The following NLGN1 variants were observed in gnomAD, a reference collection of about 807,000 sequenced individuals.
The protein encoded by NLGN1 is neuroligin 1, also known as neuroligin-1.
A neutral mutation model predicts 65.5 loss-of-function variants in NLGN1; 12 were observed. The observed-to-expected ratio is 0.18, with a 90% CI of 0.12 to 0.30. The LOEUF is 0.30. Among genes scored for constraint, NLGN1 ranks in the 10% least tolerant of loss-of-function variants. The pLI, the probability that NLGN1 is intolerant of heterozygous loss-of-function variation, is 1.00. For missense variants in NLGN1, 750 were observed against 1,007.1 expected (o/e 0.74, Z 3.46); for synonymous variants, 350 against 359.5 (o/e 0.97, Z 0.30).
At chr3:173,744,467 C>T (rs1463347421) in intron 3 of NLGN1, among the ~76,000 whole-genome samples, 1 of 152,040 alleles carries the variant, frequency 6.6e-6, no homozygotes, top group Non-Finnish European at 1.5e-5. Flanking sequence ...GACACTCTGA[C>T]TGGAGCAGGT....
rs150105192 is a variant in NLGN1, at chr3:173,796,977, C to T, written c.494-10703C>T. On this transcript the variant is annotated intron_variant, in intron 3 of 6. Transcript: ENST00000457714. ...TAAAATGTTTTAACATGAGTGATTACATCAGTTCTAACAGTTTAGAACAAA... is the reference window on the plus strand; with the variant it reads ...TAAAATGTTTTAACATGAGTGATTATATCAGTTCTAACAGTTTAGAACAAA... Among the ~76,000 whole-genome samples the T allele has an allele frequency of 3.1e-3, 473 of 152,200 alleles. 2 individuals are homozygous for T. The highest frequency in any genetic ancestry group is 7.4e-3 in the Admixed American group (113 of 15,270).
exon 7 of NLGN1, chr3:174,281,045 T>C (rs200263270): frequency 2.5e-6 from 4 of 1,613,368 alleles, no homozygotes; most frequent in East Asian, 4.5e-5. Context: ...TGAAGCACAC[T>C]GATTTGGATC....
intron 4 of NLGN1, among the ~76,000 whole-genome samples, chr3:174,218,619 C>G (rs1005342024): frequency 2.0e-5 from 3 of 152,010 alleles, no homozygotes; most frequent in Admixed American, 2.0e-4. Context: ...CTTTGGGACT[C>G]TCTTAGATGA....
intron 4 of NLGN1, among the ~76,000 whole-genome samples, chr3:174,156,631 A>G (rs1725488514): frequency 6.6e-6 from 1 of 151,760 alleles, no homozygotes; most frequent in African/African-American, 2.4e-5. Context: ...ATAGTCTAAT[A>G]TAAAACATAA....
intron 4 of NLGN1, among the ~76,000 whole-genome samples, chr3:173,937,336 G>A (rs73883610): frequency 0.016 from 2,386 of 152,096 alleles, 71 homozygotes; most frequent in African/African-American, 0.055. Flanking sequence ...ATCAATGAGA[G>A]GTGTTGAGAT....
At chr3:174,183,769 A>G (rs1040292969) in intron 4 of NLGN1, among the ~76,000 whole-genome samples, 5 of 152,206 alleles carry the variant, frequency 3.3e-5, no homozygotes, top group African/African-American at 1.2e-4. Flanking sequence ...AGAAAGCAGT[A>G]GACAAGACAG....
intron 4 of NLGN1, among the ~76,000 whole-genome samples, chr3:174,055,150 C>CTT (rs113474137): frequency 3.0e-4 from 35 of 117,600 alleles, no homozygotes; most frequent in Admixed American, 6.1e-4. Flanking sequence ...AAGGAGCTTG[C>CTT]TTTTTTTTTT....
intron 4 of NLGN1, among the ~76,000 whole-genome samples, chr3:174,048,009 G>T (rs1025566696): frequency 3.3e-5 from 5 of 152,058 alleles, no homozygotes; most frequent in African/African-American, 1.2e-4. Context: ...ATTAAAGGGA[G>T]ATCTGATTAG....
chr3:174,292,267 A>G, the NLGN1 span, among the ~76,000 whole-genome samples: 27 of 151,386 alleles, frequency 1.8e-4, no homozygotes, highest in African/African-American at 6.5e-4. Context: ...TGGTTTTAAA[A>G]GAACATTTCT....
At chr3:173,634,055 C>T (rs1412862781) in intron 3 of NLGN1, among the ~76,000 whole-genome samples, 1 of 151,902 alleles carries the variant, frequency 6.6e-6, no homozygotes, top group Admixed American at 6.6e-5. Context: ...GCTGTATCTG[C>T]CAATAAAGGT....
chr3:173,884,573 T>A (rs1304822019), intron 4 of NLGN1, among the ~76,000 whole-genome samples: 2 of 152,172 alleles, frequency 1.3e-5, no homozygotes, highest in Admixed American at 6.5e-5. Flanking sequence ...TTGAGATTAG[T>A]TGAAATTTTT....
At chr3:174,021,813 G>A (rs1727801665) in intron 4 of NLGN1, among the ~76,000 whole-genome samples, 1 of 152,030 alleles carries the variant, frequency 6.6e-6, no homozygotes, top group South Asian at 2.1e-4. Flanking sequence ...TTTTGCATGA[G>A]ATAGTTTCTG....
At chr3:174,191,847 C>A (rs1347193474) in intron 4 of NLGN1, among the ~76,000 whole-genome samples, 2 of 152,034 alleles carry the variant, frequency 1.3e-5, no homozygotes, top group Non-Finnish European at 1.5e-5. Context: ...TGATCTATCT[C>A]CAAATGAGAT....
In NLGN1 at chr3:174,055,327, G is replaced by A. The variant is rs368841064; in HGVS notation, c.647-219988G>A. Among the ~76,000 whole-genome samples the A allele has an allele frequency of 3.0e-4, 45 of 151,748 alleles. 1 individual carries two copies. The East Asian group carries it at 7.4e-3, about 25-fold the overall frequency. On this transcript the variant is annotated intron_variant, in intron 4 of 6. Transcript: ENST00000457714. ...GGTTGAGGGAACTGGGAAAGTTGTC[G>A]CTGAAAAAAAATTTTGAACCAACGT...
intron 2 of NLGN1, among the ~76,000 whole-genome samples, chr3:173,440,254 G>T (rs1485235175): frequency 6.6e-6 from 1 of 151,882 alleles, no homozygotes; most frequent in East Asian, 1.9e-4. Flanking sequence ...AACCAAATCT[G>T]CAGTTACTTC....
rs140483241 is a variant in NLGN1, at chr3:174,087,532, T to A, written c.647-187783T>A. ...ATACCTGCATAATTTTCCAAAGTATTAAGTAACTACCAAATACGTCCCGTA... is the reference window on the plus strand; with the variant it reads ...ATACCTGCATAATTTTCCAAAGTATAAAGTAACTACCAAATACGTCCCGTA... On this transcript the variant is annotated intron_variant, in intron 4 of 6. Coordinates refer to ENST00000457714, the Ensembl canonical transcript of NLGN1. Among the ~76,000 whole-genome samples, 848 of 152,236 alleles carry A rather than the reference T, an allele frequency of 5.6e-3. 3 individuals are homozygous for A. The highest frequency in any genetic ancestry group is 9.6e-3 in the Non-Finnish European group (656 of 68,014).
chr3:173,567,477 C>T (rs972381746), intron 2 of NLGN1, among the ~76,000 whole-genome samples: 5 of 151,666 alleles, frequency 3.3e-5, no homozygotes, highest in African/African-American at 1.2e-4. Context: ...CAAAAAATAA[C>T]GTTTAATTTT....
intron 3 of NLGN1, among the ~76,000 whole-genome samples, chr3:173,779,507 T>C (rs1780810683): frequency 6.6e-6 from 1 of 152,080 alleles, no homozygotes; most frequent in Non-Finnish European, 1.5e-5. Context: ...AACAAAATTT[T>C]ACGGAGTCCT....
chr3:173,538,100 G>A (rs1277695303), intron 2 of NLGN1, among the ~76,000 whole-genome samples: 1 of 152,210 alleles, frequency 6.6e-6, no homozygotes, highest in Non-Finnish European at 1.5e-5. Flanking sequence ...AATGTTGTAA[G>A]TGGTGTAATA....
Sources: gnomAD v4.1 joint callset for allele counts (sites outside exome capture counted in the v4.1 genomes callset) on GRCh38, gnomAD v4.1.1 for gene constraint, MANE v1.5 for transcripts, NCBI Gene and HGNC (gene_info 2026-07-23, HGNC 2026-07-21) for gene names.